Variants in SMURF2 observed in about 807,000 individuals in gnomAD.
The protein encoded by SMURF2 is SMAD specific E3 ubiquitin protein ligase 2.
A neutral mutation model predicts 109.6 loss-of-function variants in SMURF2; 48 were observed. The ratio of observed to expected loss-of-function variants is 0.44; its 90% CI spans 0.35 to 0.56. The LOEUF (loss-of-function observed/expected upper bound fraction) is 0.56, where lower values mean the gene tolerates loss of function less well. Among genes scored for constraint, SMURF2 ranks in the 20% least tolerant of loss-of-function variants. The probability of loss-of-function intolerance (pLI) is 0.01; values close to 1 mark genes in which losing one functional copy is unlikely to be tolerated. For synonymous variants in SMURF2, 288 were observed against 317.1 expected (o/e 0.91, Z 0.97); for missense variants, 575 against 909.0 (o/e 0.63, Z 4.72).
At chr17:64,648,029 C>T (rs1283091438) in intron 1 of SMURF2, among the ~76,000 whole-genome samples, 1 of 122,352 alleles carries the variant, frequency 8.2e-6, no homozygotes, top group Non-Finnish European at 1.6e-5. Context: ...TGCACTCCAG[C>T]CTGGGCAACA....
At position 64,662,270 on chromosome 17, in the gene SMURF2, G is replaced by A. The variant is rs1029936505; in HGVS notation, c.-390C>T. On this transcript the variant is annotated 5_prime_UTR_variant, in exon 1 of 19. Coordinates refer to ENST00000262435, the MANE Select transcript of SMURF2 (RefSeq NM_022739.4). ...CTCGGGGGCGCCGGAGCAGAACTCTGGGCTCGGCCGCTTCCTCCTCCACCC... is the reference window on the plus strand; with the variant it reads ...CTCGGGGGCGCCGGAGCAGAACTCTAGGCTCGGCCGCTTCCTCCTCCACCC... 13 of 983,108 alleles carry A rather than the reference G, an allele frequency of 1.3e-5. No individual in the cohort carries two copies. The highest frequency in any genetic ancestry group is 1.1e-4 in the East Asian group (1 of 8,746). The allele number at this position is 983,108 out of a possible 1,614,324, so 60.9% of individuals were successfully genotyped here.
At chr17:64,580,734 T>C (rs1018897376) in intron 8 of SMURF2, 55 bp downstream of exon 8, 30 of 1,528,398 alleles carry the variant, frequency 2.0e-5, no homozygotes, top group Non-Finnish European at 2.6e-5. Context: ...TCTGACTTCC[T>C]CAGCAAACTG....
At chr17:64,584,764 A>G (rs1200222584) in intron 6 of SMURF2, among the ~76,000 whole-genome samples, 27 of 152,176 alleles carry the variant, frequency 1.8e-4, no homozygotes, top group African/African-American at 6.5e-4. Context: ...ATACTGGCAG[A>G]GGTTGAAGGG....
At chr17:64,593,118 A>G (rs553616028) in intron 4 of SMURF2, 1 of 155,066 alleles carries the variant, frequency 6.4e-6, no homozygotes, top group African/African-American at 2.4e-5. Context: ...GCCATTCTGG[A>G]TATCAATCAT....
At chr17:64,589,321 G>A (rs1555687404) in intron 5 of SMURF2, among the ~76,000 whole-genome samples, 6 of 151,470 alleles carry the variant, frequency 4.0e-5, no homozygotes, top group Admixed American at 3.9e-4. Flanking sequence ...CAAGCATTAT[G>A]TAACATAACA....
At chr17:64,556,039 C>T in intron 13 of SMURF2, 41 bp from the exon 14 acceptor site, 1 of 1,410,742 alleles carries the variant, frequency 7.1e-7, no homozygotes. Context: ...AGGCACTACC[C>T]AGGAAAATTT....
At chr17:64,606,554 C>A in intron 2 of SMURF2, 48 bp downstream of exon 2, 1 of 1,317,648 alleles carries the variant, frequency 7.6e-7, no homozygotes, top group South Asian at 1.4e-5. Flanking sequence ...AAACGCTGTT[C>A]CCAAAGATCT....
In SMURF2 at chr17:64,606,652, A is replaced by C. The variant is rs782779974; in HGVS notation, c.53-12T>G. On this transcript the variant is annotated splice_polypyrimidine_tract_variant and intron_variant, in intron 1 of 18. Transcript: ENST00000262435. ...TTTTGCACAGAGTACTGTAAAAAAA[A>C]AAAACAAAAAATACATGGGAAAAAT... 1 of 1,515,652 alleles carries C rather than the reference A, an allele frequency of 6.6e-7. No individual in the cohort carries two copies. The highest frequency in any genetic ancestry group is 1.4e-5 in the African/African-American group (1 of 71,096). The allele number at this position is 1,515,652 out of a possible 1,614,324, so 93.9% of individuals were successfully genotyped here. A position where few individuals can be genotyped will look rare whatever the true frequency, so the allele number is the denominator to read the frequency against.
Position 64,629,201 on chromosome 17 carries a change from T to C in SMURF2, c.53-22561A>G, listed in dbSNP as rs551073572. Among the ~76,000 whole-genome samples the C allele has an allele frequency of 3.9e-5, 6 of 152,286 alleles. No individual in the cohort carries two copies. The South Asian group carries it at 1.2e-3, about 32-fold the overall frequency. ...TTGGAACCCTAATGCAGATCAGGTA[T>C]CACTAATCAGAAGAAAGTTTAAGAA... On this transcript the variant is annotated intron_variant, in intron 1 of 18. Coordinates refer to ENST00000262435, the MANE Select transcript of SMURF2 (RefSeq NM_022739.4).
chr17:64,566,561 G>GTTTGTTTTTTTTTT lies in SMURF2; in HGVS notation c.1017-3596_1017-3595insAAAAAAAAAACAAA, dbSNP rs1969305868. Reference sequence around the variant, plus strand: ...GATGTAGAAATGCTTAAGCTTTCTGGTTTTTTTTTTTTTTTTTTTTTTTTT... The same window carrying GTTTGTTTTTTTTTT: ...GATGTAGAAATGCTTAAGCTTTCTGGTTTGTTTTTTTTTTTTTTTTTTTTTTTTTTTTTTTTTTT... On this transcript the variant is annotated intron_variant, in intron 10 of 18. Coordinates refer to ENST00000262435, the MANE Select transcript of SMURF2 (RefSeq NM_022739.4). Among the ~76,000 whole-genome samples, 119 of 43,802 alleles carry GTTTGTTTTTTTTTT rather than the reference G, an allele frequency of 2.7e-3. 7 individuals are homozygous for GTTTGTTTTTTTTTT. The highest frequency in any genetic ancestry group is 8.6e-3 in the African/African-American group (115 of 13,312). 28.7% of individuals were successfully genotyped at this position (43,802 alleles called of 152,430 possible). A position where few individuals can be genotyped will look rare whatever the true frequency, so the allele number is the denominator to read the frequency against.
At chr17:64,620,717 TGTTAAA>T (rs1384113260) in intron 1 of SMURF2, among the ~76,000 whole-genome samples, 1 of 152,242 alleles carries the variant, frequency 6.6e-6, no homozygotes, top group Admixed American at 6.5e-5. Flanking sequence ...TCATTTTGCT[TGTTAAA>T]GTTATTCATG....
At chr17:64,597,093 C>T (rs8071550) in intron 3 of SMURF2, among the ~76,000 whole-genome samples, 38 of 152,176 alleles carry the variant, frequency 2.5e-4, no homozygotes, top group African/African-American at 8.9e-4. Flanking sequence ...AATGGGGATG[C>T]TGAATACCAA....
chr17:64,640,099 C>T (rs1555692454), intron 1 of SMURF2, among the ~76,000 whole-genome samples: 1 of 152,110 alleles, frequency 6.6e-6, no homozygotes, highest in African/African-American at 2.4e-5. Flanking sequence ...TTTTTCTTAT[C>T]TTTAGACTTA....
chr17:64,561,390 T>C, intron 12 of SMURF2, 110 bp downstream of exon 12: 1 of 705,210 alleles, frequency 1.4e-6, no homozygotes, highest in South Asian at 1.8e-5. Context: ...GATACAAACA[T>C]TAGGGAATAA....
At chr17:64,586,347 A>C (rs1473366542) in intron 5 of SMURF2, among the ~76,000 whole-genome samples, 177 bp from the exon 6 acceptor site, 1 of 152,202 alleles carries the variant, frequency 6.6e-6, no homozygotes, top group East Asian at 1.9e-4. Flanking sequence ...CTTTAGGAGT[A>C]ATATTAGAAT....
intron 11 of SMURF2, among the ~76,000 whole-genome samples, chr17:64,562,208 G>A (rs1169288802): frequency 4.3e-5 from 6 of 139,108 alleles, no homozygotes; most frequent in Non-Finnish European, 6.0e-5. Flanking sequence ...CAGGAGAATC[G>A]CTTGAACCCA....
chr17:64,613,105 T>C (rs1970067980), intron 1 of SMURF2, among the ~76,000 whole-genome samples: 1 of 152,220 alleles, frequency 6.6e-6, no homozygotes, highest in Non-Finnish European at 1.5e-5. Context: ...TATTTATCTG[T>C]AAAAATAAAT....
intron 10 of SMURF2, among the ~76,000 whole-genome samples, chr17:64,571,546 C>T (rs1969399181): frequency 6.6e-6 from 1 of 152,118 alleles, no homozygotes; most frequent in Non-Finnish European, 1.5e-5. Flanking sequence ...GCTAGGACTG[C>T]AGGCATACAC....
chr17:64,549,058 C>T (rs897780134), intron 16 of SMURF2, among the ~76,000 whole-genome samples: 26 of 150,896 alleles, frequency 1.7e-4, no homozygotes, highest in Admixed American at 9.2e-4. Flanking sequence ...ACGAGGCATG[C>T]AGATCACTTG....
Sources: allele counts gnomAD v4.1 joint callset (sites outside exome capture counted in the v4.1 genomes callset), GRCh38; gene constraint gnomAD v4.1.1; transcripts MANE v1.5; gene names NCBI Gene and HGNC (gene_info 2026-07-23, HGNC 2026-07-21).